Variants in CCNH observed in about 807,000 individuals in gnomAD.
CCNH encodes cyclin H.
A neutral mutation model predicts 41.9 loss-of-function variants in CCNH; 31 were observed. That is an observed-to-expected ratio of 0.74 (90% CI 0.56 to 1.00). CCNH has a LOEUF of 1.00. Ranked by LOEUF, CCNH falls within the 50% of genes least tolerant of loss-of-function variation. CCNH has a pLI of 0.00. For synonymous variants in CCNH, 138 were observed against 136.1 expected (o/e 1.01, Z -0.10); for missense variants, 362 against 388.4 (o/e 0.93, Z 0.57).
chr5:87,369,294 G>C (rs1416559206), intron 9 of CCNH, among the ~76,000 whole-genome samples: 1 of 152,120 alleles, frequency 6.6e-6, no homozygotes, highest in Non-Finnish European at 1.5e-5. Context: ...AAGAACATTT[G>C]TTGTACACAA....
intron 9 of CCNH, among the ~76,000 whole-genome samples, chr5:87,361,337 A>T (rs1409777171): frequency 6.6e-6 from 1 of 152,200 alleles, no homozygotes; most frequent in Non-Finnish European, 1.5e-5. Context: ...ATTTTGTAGC[A>T]TTAACTTGGG....
chr5:87,381,983 GCT>G (rs1216960928), upstream of CCNH, among the ~76,000 whole-genome samples: 2 of 152,108 alleles, frequency 1.3e-5, no homozygotes, highest in Admixed American at 1.3e-4. Flanking sequence ...ACAGGGTCTT[GCT>G]CTGTTGCCCA....
chr5:87,396,621 A>AAAAC (rs533807025), intron 7 of CCNH, among the ~76,000 whole-genome samples: 1 of 151,980 alleles, frequency 6.6e-6, no homozygotes, highest in South Asian at 2.1e-4. Context: ...CTCCATCTCA[A>AAAAC]AAACAAACAA....
chr5:87,384,227 G>T (rs1240923083), intron 9 of CCNH, among the ~76,000 whole-genome samples: 1 of 152,030 alleles, frequency 6.6e-6, no homozygotes, highest in Non-Finnish European at 1.5e-5. Context: ...GGTTCCTCCC[G>T]TTAGAGATTT....
chr5:87,385,226 G>A, intron 9 of CCNH: 1 of 938,074 alleles, frequency 1.1e-6, no homozygotes, highest in East Asian at 2.4e-5. Context: ...AAATATTAAA[G>A]TGCTAAATTT....
intron 9 of CCNH, among the ~76,000 whole-genome samples, chr5:87,335,345 T>G (rs1757887267): frequency 2.0e-5 from 3 of 151,968 alleles, no homozygotes; most frequent in Admixed American, 2.0e-4. Context: ...CATTCTGTAT[T>G]GGCCATCAAG....
At position 87,376,996 on chromosome 5, in the gene CCNH, C is replaced by G. The variant is rs763915835; in HGVS notation, n.185G>C. The G allele has an allele frequency of 2.5e-6, 4 of 1,613,598 alleles. No homozygotes were observed. The Admixed American group carries it at 6.7e-5, about 27-fold the overall frequency. On this transcript the variant is annotated non_coding_transcript_exon_variant, in exon 1 of 1. Transcript: ENST00000607486. Reference sequence around the variant, plus strand: ...ATTTTTCTTCACGAAAAGCTTGAATCGTTGTTGTTATGCACACTAAATGAC... The same window carrying G: ...ATTTTTCTTCACGAAAAGCTTGAATGGTTGTTGTTATGCACACTAAATGAC...
At chr5:87,391,756 ACCTCATCAGCTG>A (rs1483483455), downstream of CCNH, 1 of 232,332 alleles carries the variant, frequency 4.3e-6, no homozygotes, top group Non-Finnish European at 8.5e-6. Context: ...TATGCAGACA[ACCTCATCAGCTG>A]CCTAACTTAT....
downstream of CCNH, chr5:87,389,602 C>A: frequency 6.4e-7 from 1 of 1,555,700 alleles, no homozygotes; most frequent in South Asian, 1.1e-5. Context: ...TAGCTGAATT[C>A]TGGTTAACAT....
intron 3 of CCNH, among the ~76,000 whole-genome samples, chr5:87,408,658 G>C (rs1763984932): frequency 6.6e-6 from 1 of 152,118 alleles, no homozygotes; most frequent in African/African-American, 2.4e-5. Flanking sequence ...ATTATTTAAG[G>C]GACAAACTTG....
intron 9 of CCNH, among the ~76,000 whole-genome samples, chr5:87,370,669 T>A (rs1467075000): frequency 6.6e-6 from 1 of 152,080 alleles, no homozygotes; most frequent in East Asian, 1.9e-4. Flanking sequence ...CTTAAAAAAT[T>A]TTTTTGCTTT....
chr5:87,409,392 G>T, intron 2 of CCNH, 29 bp from the exon 3 acceptor site: 1 of 1,233,494 alleles, frequency 8.1e-7, no homozygotes, highest in South Asian at 1.3e-5. Context: ...ATATCATCAG[G>T]ATCTAGTCAC....
intron 9 of CCNH, chr5:87,349,388 CTT>C (rs778502318): frequency 2.2e-5 from 35 of 1,609,656 alleles, no homozygotes; most frequent in Non-Finnish European, 2.9e-5. Flanking sequence ...TTTTAGCTAT[CTT>C]TTACTTTTCG....
exon 10 of CCNH, chr5:87,318,730 C>T (rs1241793886): frequency 6.6e-6 from 1 of 152,146 alleles, no homozygotes; most frequent in Non-Finnish European, 1.5e-5. Flanking sequence ...GGGTACAGAG[C>T]CAAACCATAT....
downstream of CCNH, chr5:87,374,784 TA>T (rs1465118915): frequency 6.3e-7 from 1 of 1,597,838 alleles, no homozygotes; most frequent in East Asian, 2.3e-5. Flanking sequence ...ACTAAAGAAA[TA>T]AGGTAGTTTG....
chr5:87,366,339 T>C, intron 9 of CCNH: 1 of 414,806 alleles, frequency 2.4e-6, no homozygotes, highest in South Asian at 1.7e-5. Flanking sequence ...TTGATATAGT[T>C]TATATGAACA....
chr5:87,364,655 CCT>C (rs1057265107), intron 9 of CCNH, among the ~76,000 whole-genome samples: 4 of 152,046 alleles, frequency 2.6e-5, no homozygotes, highest in Admixed American at 1.3e-4. Context: ...TTGATTCAGG[CCT>C]CTGTCTTTTC....
chr5:87,373,012 T>C (rs978950228), downstream of CCNH, among the ~76,000 whole-genome samples: 2 of 152,144 alleles, frequency 1.3e-5, no homozygotes, highest in Admixed American at 6.5e-5. Context: ...CTTCATAACA[T>C]TGTAACATTT....
chr5:87,409,571 T>A (rs1301862776), intron 2 of CCNH, among the ~76,000 whole-genome samples: 2 of 152,054 alleles, frequency 1.3e-5, no homozygotes, highest in African/African-American at 4.8e-5. Context: ...CATCCTTTGC[T>A]TGTCTATCCC....
Sources: gnomAD v4.1 joint callset for allele counts (sites outside exome capture counted in the v4.1 genomes callset) on GRCh38, gnomAD v4.1.1 for gene constraint, MANE v1.5 for transcripts, NCBI Gene and HGNC (gene_info 2026-07-23, HGNC 2026-07-21) for gene names.